Variants in XKR4 observed in about 807,000 individuals in gnomAD.
XKR4 encodes the protein XK-related protein 4.
In XKR4, 12 loss-of-function variants were observed where a neutral mutation model predicts 53.9. That is an observed-to-expected ratio of 0.22 (90% CI 0.14 to 0.36). The LOEUF (loss-of-function observed/expected upper bound fraction) is 0.36. Among genes scored for constraint, XKR4 ranks in the 10% least tolerant of loss-of-function variants. The probability of loss-of-function intolerance (pLI) is 1.00; values close to 1 mark genes in which losing one functional copy is unlikely to be tolerated. For missense variants in XKR4, 799 were observed against 859.5 expected, an observed-to-expected ratio of 0.93 and a Z score of 0.88; for synonymous variants, 354 against 362.4, an observed-to-expected ratio of 0.98 and a Z score of 0.26.
Position 55,422,356 on chromosome 8 carries a change from T to G in XKR4, c.1006+64479T>G, listed in dbSNP as rs547392972. 2.8e-4 allele frequency among the ~76,000 whole-genome samples: 42 copies of G among 152,320 alleles called. 1 individual carries two copies. In the South Asian group the frequency reaches 7.7e-3, roughly 28 times the overall value. On this transcript the variant is annotated intron_variant, in intron 2 of 2. Transcript: ENST00000327381. ...AAATGCAATACATACAGTAGACATA[T>G]AGTGTTGTGTATATGGGTAGAGCAC...
intron 1 of XKR4, among the ~76,000 whole-genome samples, chr8:55,251,270 CA>C (rs1241967572): frequency 6.6e-6 from 1 of 152,100 alleles, no homozygotes; most frequent in East Asian, 1.9e-4. Context: ...CTGTTTTTAC[CA>C]ATGTTATTAC....
At chr8:55,346,210 C>T (rs936003587) in intron 1 of XKR4, among the ~76,000 whole-genome samples, 3 of 151,780 alleles carry the variant, frequency 2.0e-5, no homozygotes, top group South Asian at 2.1e-4. Flanking sequence ...CTCAGCCTTC[C>T]GAGTAGCAGG....
rs1821821365 is a variant in XKR4, at chr8:55,526,013, C to T, written c.*1786C>T. ...GGCTTGTCAAGACTGGCCAATGTTT[C>T]CCAGGAAATCAAAGATGTAAATGAT... is the stretch of plus-strand genomic sequence containing the variant. On this transcript the variant is annotated 3_prime_UTR_variant, in exon 3 of 3. Coordinates refer to ENST00000327381, the MANE Select transcript of XKR4 (RefSeq NM_052898.2). 2 of 152,548 alleles carry T rather than the reference C, an allele frequency of 1.3e-5. No homozygotes were observed. The highest frequency in any genetic ancestry group is 4.8e-5 in the African/African-American group (2 of 41,406). The allele number at this position is 152,548 out of a possible 1,614,324, so 9.4% of individuals were successfully genotyped here. A position where few individuals can be genotyped will look rare whatever the true frequency, so the allele number is the denominator to read the frequency against.
intron 1 of XKR4, among the ~76,000 whole-genome samples, chr8:55,332,520 T>C (rs1329411942): frequency 1.3e-5 from 2 of 152,114 alleles, no homozygotes; most frequent in Non-Finnish European, 2.9e-5. Flanking sequence ...TTTGTTTACC[T>C]AGTAGTGTCT....
At chr8:55,257,195 T>A (rs376826058) in intron 1 of XKR4, among the ~76,000 whole-genome samples, 2 of 152,180 alleles carry the variant, frequency 1.3e-5, no homozygotes, top group East Asian at 1.9e-4. Context: ...CAGGAGCAGA[T>A]TAAAGCCCAT....
At chr8:55,511,139 C>T (rs188699784) in intron 2 of XKR4, among the ~76,000 whole-genome samples, 77 of 152,186 alleles carry the variant, frequency 5.1e-4, no homozygotes, top group African/African-American at 1.8e-3. Context: ...GGGGGTGGGA[C>T]GCTGGAAAAT....
chr8:55,102,843 G>A lies in XKR4; in HGVS notation c.355G>A (p.Val119Met). ...LWDCLWILAA[V>M]AVYFADVGTD... ...GGACTGCCTCTGGATCCTGGCCGCC[G>A]TGGCCGTGTACTTCGCGGACGTGGG... Residue 119 changes from valine to methionine, a missense_variant, in exon 1 of 3, where the codon GTG becomes ATG. Coordinates refer to ENST00000327381, the MANE Select transcript of XKR4 (RefSeq NM_052898.2). This position sits in a 1 kb window ranked among gnomAD's most constrained non-coding sequence, Gnocchi z 5.1. 1.9e-6 allele frequency: 3 copies of A among 1,611,210 alleles called. 1 individual carries two copies. In the East Asian group the frequency reaches 6.7e-5, roughly 36 times the overall value.
intron 2 of XKR4, among the ~76,000 whole-genome samples, chr8:55,492,107 C>T (rs1806281236): frequency 6.6e-6 from 1 of 152,154 alleles, no homozygotes; most frequent in African/African-American, 2.4e-5. Context: ...AAGGTGTCTC[C>T]AGGCAAAGAG....
intron 1 of XKR4, among the ~76,000 whole-genome samples, chr8:55,323,344 G>A (rs1316858202): frequency 4.6e-5 from 7 of 152,064 alleles, no homozygotes; most frequent in Non-Finnish European, 8.8e-5. Flanking sequence ...ACCCCTTTGC[G>A]GTCAATCCTA....
chr8:55,190,184 C>T (rs910951261), intron 1 of XKR4, among the ~76,000 whole-genome samples: 1 of 152,126 alleles, frequency 6.6e-6, no homozygotes, highest in African/African-American at 2.4e-5. Flanking sequence ...TTTTCCTAAG[C>T]ATGTGGGAGC....
At chr8:55,336,237 G>A (rs1307604385) in intron 1 of XKR4, among the ~76,000 whole-genome samples, 1 of 151,896 alleles carries the variant, frequency 6.6e-6, no homozygotes, top group Non-Finnish European at 1.5e-5. Flanking sequence ...TAGTTAATGG[G>A]TCTCACAAGA....
At position 55,210,852 on chromosome 8, in the gene XKR4, G is replaced by A. The variant is rs1019260007; in HGVS notation, c.806+107558G>A. On this transcript the variant is annotated intron_variant, in intron 1 of 2. Transcript: ENST00000327381. ...GGGCAGGGTGTCTCATTTGCATAAG[G>A]TGTGCATTTCTGGTAGTTCCACCCT... is the stretch of plus-strand genomic sequence containing the variant. 3.2e-4 allele frequency among the ~76,000 whole-genome samples: 48 copies of A among 152,316 alleles called. No individual in the cohort carries two copies. The East Asian group carries it at 5.0e-3, about 16-fold the overall frequency.
At chr8:55,311,814 G>C (rs1407696932) in intron 1 of XKR4, among the ~76,000 whole-genome samples, 6 of 105,170 alleles carry the variant, frequency 5.7e-5, no homozygotes, top group African/African-American at 1.9e-4. Context: ...AACTGAAACT[G>C]TCTCTGTAAT....
chr8:55,328,851 T>C (rs907538189), intron 1 of XKR4, among the ~76,000 whole-genome samples: 6 of 152,326 alleles, frequency 3.9e-5, no homozygotes, highest in Non-Finnish European at 5.9e-5. Flanking sequence ...TCAGAGAACC[T>C]GTCCTTAACT....
chr8:55,453,457 C>T (rs753050604), intron 2 of XKR4: 3 of 400,102 alleles, frequency 7.5e-6, no homozygotes, highest in East Asian at 6.8e-5. Context: ...GCATCTTCCC[C>T]TCAAACACGT....
At chr8:55,285,577 C>T (rs1228932438) in intron 1 of XKR4, among the ~76,000 whole-genome samples, 1 of 152,154 alleles carries the variant, frequency 6.6e-6, no homozygotes, top group South Asian at 2.1e-4. Flanking sequence ...ATATTTAGAG[C>T]AAGGCTTGCT....
rs1344812255 is a variant in XKR4, at chr8:55,103,107, G to A, written c.619G>A (p.Ala207Thr). 6.2e-7 allele frequency: 1 copy of A among 1,613,250 alleles called. No homozygotes were observed. The highest frequency in any genetic ancestry group is 1.3e-5 in the African/African-American group (1 of 74,924). Residue 207 changes from alanine (A) to threonine (T), a missense_variant, in exon 1 of 3, where the codon GCT (alanine) becomes ACT (threonine). Ala to Thr is a moderately conservative substitution (Grantham distance 58, BLOSUM62 0). This residue lies in a region of XKR4 where 476 missense variants were observed against 505.4 expected (regional missense o/e 0.94). Transcript: ENST00000327381. ...TGGGTCTGCAGCCGGGGAAGGCGAG[G>A]CTCGTCCTTCCACGCCGCAAAGGCA... ...GGGSAAGEGEARPSTPQRQAS... is the reference protein window; with the variant it reads ...GGGSAAGEGETRPSTPQRQAS...
chr8:55,190,497 T>G (rs1224827715), intron 1 of XKR4, among the ~76,000 whole-genome samples: 1 of 152,228 alleles, frequency 6.6e-6, no homozygotes, highest in Admixed American at 6.5e-5. Flanking sequence ...TCTTTACAAA[T>G]GTACATTCCT....
At chr8:55,172,547 A>G (rs558213099) in intron 1 of XKR4, among the ~76,000 whole-genome samples, 1 of 152,190 alleles carries the variant, frequency 6.6e-6, no homozygotes. Flanking sequence ...CCCCTTTCCT[A>G]TAGTATAAAA....
Sources: allele counts gnomAD v4.1 joint callset (sites outside exome capture counted in the v4.1 genomes callset), GRCh38; gene constraint gnomAD v4.1.1; regional missense constraint gnomAD v4.1.1; non-coding constraint Gnocchi (gnomAD v3.1); transcripts MANE v1.5; gene names NCBI Gene and HGNC (gene_info 2026-07-23, HGNC 2026-07-21).